PACS1: variants seen among roughly 807,000 people sequenced by gnomAD.
PACS1 encodes PACS-1.
A neutral mutation model predicts 115.0 loss-of-function variants in PACS1; 24 were observed. The ratio of observed to expected loss-of-function variants is 0.21; its 90% CI spans 0.15 to 0.29. The LOEUF is 0.29. Ranked by LOEUF, PACS1 falls within the 10% of genes least tolerant of loss-of-function variation. The probability of loss-of-function intolerance (pLI) is 1.00; values close to 1 mark genes in which losing one functional copy is unlikely to be tolerated. For synonymous variants in PACS1, 453 were observed against 504.5 expected (o/e 0.90, Z 1.37); for missense variants, 838 against 1,251.2 (o/e 0.67, Z 4.98).
At chr11:66,089,955 A>G (rs867751998) in intron 1 of PACS1, among the ~76,000 whole-genome samples, 10 of 147,628 alleles carry the variant, frequency 6.8e-5, no homozygotes, top group South Asian at 4.3e-4. Flanking sequence ...GCAGTGAGCC[A>G]AGATCGCGCC....
chr11:66,216,032 T>G, intron 4 of PACS1, 87 bp from the exon 5 acceptor site: 1 of 1,240,846 alleles, frequency 8.1e-7, no homozygotes, highest in Non-Finnish European at 1.2e-6. Flanking sequence ...AGAATGCTGT[T>G]GCCCCTGGGG....
chr11:66,081,322 C>G lies in PACS1; in HGVS notation c.356+10480C>G, dbSNP rs556048514. Among the ~76,000 whole-genome samples, 412 of 152,286 alleles carry G rather than the reference C, an allele frequency of 2.7e-3. 1 individual carries two copies. The highest frequency in any genetic ancestry group is 4.9e-3 in the Non-Finnish European group (336 of 68,022). On this transcript the variant is annotated intron_variant, in intron 1 of 23. Coordinates refer to ENST00000320580, the MANE Select transcript of PACS1 (RefSeq NM_018026.4). ...TAAATAAGGTTAATTTTGTTATTAA[C>G]ACATGTTAATCGTGTGTGTGGCAAC... is the stretch of plus-strand genomic sequence containing the variant.
At chr11:66,132,309 G>A (rs1326955918) in intron 1 of PACS1, among the ~76,000 whole-genome samples, 6 of 152,158 alleles carry the variant, frequency 3.9e-5, no homozygotes, top group African/African-American at 9.6e-5. Flanking sequence ...TCCCCTTCAC[G>A]ATGATTGTGA....
chr11:66,117,343 C>T (rs11227414), intron 1 of PACS1, among the ~76,000 whole-genome samples: 31,162 of 151,574 alleles, frequency 0.21, 3,294 homozygotes, highest in Middle Eastern at 0.28. Context: ...CACCTGTAAT[C>T]CCAGCTACTC....
chr11:66,150,741 G>A (rs1389249721), intron 1 of PACS1, among the ~76,000 whole-genome samples: 1 of 152,144 alleles, frequency 6.6e-6, no homozygotes, highest in Non-Finnish European at 1.5e-5. Context: ...AGATTGAAGT[G>A]GTTGCATAAA....
chr11:66,093,612 C>T (rs1857714104), intron 1 of PACS1, among the ~76,000 whole-genome samples: 2 of 147,642 alleles, frequency 1.4e-5, no homozygotes, highest in Non-Finnish European at 3.0e-5. Context: ...CTTTAACACC[C>T]CACTGTCAAC....
At chr11:66,071,204 A>G (rs995869628) in intron 1 of PACS1, among the ~76,000 whole-genome samples, 2 of 152,134 alleles carry the variant, frequency 1.3e-5, no homozygotes, top group African/African-American at 4.8e-5. Flanking sequence ...TGGATGTGGT[A>G]TAGATCTCTT....
At chr11:66,086,135 T>A (rs895685832) in intron 1 of PACS1, among the ~76,000 whole-genome samples, 7 of 122,072 alleles carry the variant, frequency 5.7e-5, no homozygotes, top group Non-Finnish European at 1.0e-4. Context: ...TTATGATTTC[T>A]TTTTTTTTTT....
chr11:66,172,947 G>C (rs1323935119), intron 1 of PACS1, among the ~76,000 whole-genome samples: 1 of 145,048 alleles, frequency 6.9e-6, no homozygotes, highest in Non-Finnish European at 1.5e-5. Flanking sequence ...CTGCACGCCA[G>C]CCTGGTGACA....
intron 14 of PACS1, 106 bp from the exon 15 acceptor site, chr11:66,232,854 G>A: frequency 1.2e-6 from 1 of 836,020 alleles, no homozygotes; most frequent in Non-Finnish European, 2.0e-6. Context: ...GAACTGCAGA[G>A]GACAGGGGCC....
At chr11:66,165,567 A>G (rs1014226205) in intron 1 of PACS1, among the ~76,000 whole-genome samples, 2 of 152,132 alleles carry the variant, frequency 1.3e-5, no homozygotes, top group Non-Finnish European at 2.9e-5. Flanking sequence ...TCAAACTTGC[A>G]TGTCCTGACT....
At chr11:66,169,407 T>G (rs888626764) in intron 1 of PACS1, among the ~76,000 whole-genome samples, 1 of 147,502 alleles carries the variant, frequency 6.8e-6, no homozygotes, top group Admixed American at 6.7e-5. Context: ...GTTCATTACT[T>G]TTTTTTTTTG....
Position 66,235,676 on chromosome 11 carries a change from G to A in PACS1, c.2208-222G>A, listed in dbSNP as rs1423534156. On this transcript the variant is annotated intron_variant, in intron 18 of 23. Coordinates refer to ENST00000320580, the MANE Select transcript of PACS1 (RefSeq NM_018026.4). The surrounding 1 kb of genome is among the most constrained non-coding windows in gnomAD (Gnocchi z 5.6). ...AGCTGGAACTCAGACGTGGGAAGCA[G>A]GGAGCGTAGCTTGCATGATCAGGTC... Among the ~76,000 whole-genome samples, 1 of 152,124 alleles carries A rather than the reference G, an allele frequency of 6.6e-6. No individual in the cohort carries two copies. The highest frequency in any genetic ancestry group is 1.5e-5 in the Non-Finnish European group (1 of 68,026).
intron 1 of PACS1, among the ~76,000 whole-genome samples, chr11:66,096,805 G>A (rs2134521469): frequency 6.6e-6 from 1 of 151,078 alleles, no homozygotes; most frequent in Non-Finnish European, 1.5e-5. Context: ...CCCAGCCGCT[G>A]TGAACATTCT....
At chr11:66,119,316 C>T (rs566619937) in intron 1 of PACS1, among the ~76,000 whole-genome samples, 1 of 152,254 alleles carries the variant, frequency 6.6e-6, no homozygotes, top group Admixed American at 6.5e-5. Context: ...GTCTGTAAAC[C>T]TCACTGGAAC....
At chr11:66,088,112 T>C (rs1180742940) in intron 1 of PACS1, among the ~76,000 whole-genome samples, 1 of 152,040 alleles carries the variant, frequency 6.6e-6, no homozygotes, top group East Asian at 1.9e-4. Context: ...CCTTTAGGAG[T>C]TGTTTTTCTC....
At chr11:66,176,803 G>T (rs993243510) in intron 1 of PACS1, among the ~76,000 whole-genome samples, 1 of 152,156 alleles carries the variant, frequency 6.6e-6, no homozygotes, top group African/African-American at 2.4e-5. Context: ...TGACTGGAAT[G>T]ATCTTCCCCC....
intron 1 of PACS1, among the ~76,000 whole-genome samples, chr11:66,110,160 G>A (rs150960740): frequency 9.4e-4 from 143 of 152,220 alleles, no homozygotes; most frequent in African/African-American, 3.1e-3. Context: ...GATTGAGGGA[G>A]TAGTTATATC....
In PACS1 at chr11:66,070,430, A is replaced by C; in HGVS notation, c.-57A>C. ...CCCCCGCCGCCGCCGCCGCGGGGGAAGCCTGGGAGCCAGATCGGCGTCGCC... is the reference window on the plus strand; with the variant it reads ...CCCCCGCCGCCGCCGCCGCGGGGGACGCCTGGGAGCCAGATCGGCGTCGCC... On this transcript the variant is annotated 5_prime_UTR_variant, in exon 1 of 24. Transcript: ENST00000320580. The surrounding 1 kb of genome is among the most constrained non-coding windows in gnomAD (Gnocchi z 5.9). 1.9e-6 allele frequency: 2 copies of C among 1,063,330 alleles called. No homozygotes were observed. The highest frequency in any genetic ancestry group is 2.4e-6 in the Non-Finnish European group (2 of 842,340). 65.9% of individuals were successfully genotyped at this position (1,063,330 alleles called of 1,614,324 possible).
Sources: gnomAD v4.1 joint callset for allele counts (sites outside exome capture counted in the v4.1 genomes callset) on GRCh38, gnomAD v4.1.1 for gene constraint, Gnocchi (gnomAD v3.1) non-coding constraint, MANE v1.5 for transcripts, NCBI Gene and HGNC (gene_info 2026-07-23, HGNC 2026-07-21) for gene names.